Variants in SUGCT observed in about 807,000 individuals in gnomAD.
SUGCT encodes succinyl-CoA:glutarate-CoA transferase.
A neutral mutation model predicts 55.0 loss-of-function variants in SUGCT; 41 were observed. The observed-to-expected ratio is 0.74, with a 90% CI of 0.58 to 0.97. The LOEUF (loss-of-function observed/expected upper bound fraction) is 0.97, where lower values mean the gene tolerates loss of function less well. Among genes scored for constraint, SUGCT ranks in the 50% least tolerant of loss-of-function variants. The pLI is 0.00. For synonymous variants in SUGCT, 187 were observed against 200.4 expected, an observed-to-expected ratio of 0.93 and a Z score of 0.56; for missense variants, 568 against 547.8, an observed-to-expected ratio of 1.04 and a Z score of -0.37.
intron 12 of SUGCT, among the ~76,000 whole-genome samples, chr7:40,603,360 G>T (rs1002554954): frequency 1.3e-5 from 2 of 152,128 alleles, no homozygotes; most frequent in Non-Finnish European, 2.9e-5. Context: ...CAATAAAAAA[G>T]AAGTGATTTC....
At chr7:40,491,326 A>G (rs891836775) in intron 11 of SUGCT, among the ~76,000 whole-genome samples, 1 of 152,208 alleles carries the variant, frequency 6.6e-6, no homozygotes, top group Non-Finnish European at 1.5e-5. Context: ...TGATAGTTAC[A>G]GTGCGAATGG....
intron 11 of SUGCT, among the ~76,000 whole-genome samples, chr7:40,466,191 G>T (rs1368037292): frequency 6.6e-6 from 1 of 152,146 alleles, no homozygotes; most frequent in East Asian, 1.9e-4. Flanking sequence ...ATAGCTCTGA[G>T]TCACTATGCC....
intron 7 of SUGCT, among the ~76,000 whole-genome samples, chr7:40,243,979 C>T (rs1187581330): frequency 6.6e-6 from 1 of 152,026 alleles, no homozygotes; most frequent in Non-Finnish European, 1.5e-5. Context: ...TCGAGACCAG[C>T]CTAGCCAACA....
intron 8 of SUGCT, among the ~76,000 whole-genome samples, chr7:40,312,755 G>T (rs1472590265): frequency 2.0e-5 from 3 of 152,172 alleles, no homozygotes; most frequent in African/African-American, 7.2e-5. Context: ...AGACTTTGAA[G>T]AATAGGTGGA....
Position 40,457,883 on chromosome 7 carries a change from CG to C in SUGCT, c.889-1216del, listed in dbSNP as rs1188340170. On this transcript the variant is annotated intron_variant, in intron 10 of 13. Coordinates refer to ENST00000335693, the MANE Select transcript of SUGCT (RefSeq NM_001193313.2). ...TCTTGGAATGACTTATTCACTCTTA[CG>C]GAGGGAGGGTGTCTAACTGCTAGAC... Among the ~76,000 whole-genome samples, 3 of 152,220 alleles carry C rather than the reference CG, an allele frequency of 2.0e-5. No homozygotes were observed. The East Asian group carries it at 5.8e-4, about 29-fold the overall frequency.
chr7:40,899,243 C>T, the SUGCT span, among the ~76,000 whole-genome samples: 1 of 152,202 alleles, frequency 6.6e-6, no homozygotes, highest in African/African-American at 2.4e-5. Context: ...TTCCCTCCCT[C>T]CTCACCAACC....
At chr7:40,739,488 T>C (rs1787352178) in intron 12 of SUGCT, among the ~76,000 whole-genome samples, 1 of 152,226 alleles carries the variant, frequency 6.6e-6, no homozygotes, top group Non-Finnish European at 1.5e-5. Flanking sequence ...TTTTCCTGTT[T>C]ATTTTCTTAT....
intron 11 of SUGCT, among the ~76,000 whole-genome samples, chr7:40,462,245 G>A (rs1392514917): frequency 6.6e-6 from 1 of 152,100 alleles, no homozygotes; most frequent in East Asian, 1.9e-4. Context: ...AATGTCTGAG[G>A]GAGGCTGGCA....
chr7:40,623,722 T>G (rs1562907336), intron 12 of SUGCT, among the ~76,000 whole-genome samples: 1 of 152,066 alleles, frequency 6.6e-6, no homozygotes, highest in East Asian at 1.9e-4. Flanking sequence ...GCACATGCAC[T>G]CATACACACA....
At chr7:40,924,742 A>T in the SUGCT span, among the ~76,000 whole-genome samples, 1 of 152,208 alleles carries the variant, frequency 6.6e-6, no homozygotes, top group African/African-American at 2.4e-5. Context: ...CGTACAGGCC[A>T]TGAAACTAAT....
intron 7 of SUGCT, among the ~76,000 whole-genome samples, chr7:40,267,903 C>A (rs981573146): frequency 6.6e-6 from 1 of 152,238 alleles, no homozygotes; most frequent in South Asian, 2.1e-4. Context: ...GTGAATGGTA[C>A]CCCTTCTTTA....
At chr7:41,002,202 G>T in the SUGCT span, among the ~76,000 whole-genome samples, 14 of 152,236 alleles carry the variant, frequency 9.2e-5, no homozygotes, top group East Asian at 2.7e-3. Flanking sequence ...TGTATTATTA[G>T]TACAGATGGG....
the SUGCT span, among the ~76,000 whole-genome samples, chr7:41,002,076 G>C: frequency 6.6e-6 from 1 of 152,118 alleles, no homozygotes; most frequent in Non-Finnish European, 1.5e-5. Context: ...GCTGGAGTGC[G>C]GTGGTATAAT....
At chr7:40,918,133 TCTC>T in the SUGCT span, among the ~76,000 whole-genome samples, 15 of 151,756 alleles carry the variant, frequency 9.9e-5, no homozygotes, top group African/African-American at 3.6e-4. Flanking sequence ...AGTCTCTTCA[TCTC>T]CTCATACCCC....
At chr7:40,713,688 G>T (rs561773359) in intron 12 of SUGCT, among the ~76,000 whole-genome samples, 1 of 152,282 alleles carries the variant, frequency 6.6e-6, no homozygotes, top group South Asian at 2.1e-4. Context: ...TCTGTAGCAT[G>T]TGCAAATCCT....
the SUGCT span, among the ~76,000 whole-genome samples, chr7:40,929,386 G>A: frequency 3.3e-3 from 498 of 152,282 alleles, 2 homozygotes; most frequent in African/African-American, 0.011. Flanking sequence ...ATAAACACAC[G>A]TGTGCATGTG....
chr7:40,831,196 T>C (rs537567826), intron 13 of SUGCT, among the ~76,000 whole-genome samples: 1 of 152,324 alleles, frequency 6.6e-6, no homozygotes, highest in South Asian at 2.1e-4. Flanking sequence ...GTAAAAAGCC[T>C]GTGTCCTATC....
intron 11 of SUGCT, among the ~76,000 whole-genome samples, chr7:40,469,519 C>T (rs17433681): frequency 0.1 from 15,759 of 152,114 alleles, 1,106 homozygotes; most frequent in Middle Eastern, 0.19. Context: ...AAAATCAGCC[C>T]GGAGGGTAAA....
chr7:40,379,985 T>G (rs1046321045), intron 9 of SUGCT, among the ~76,000 whole-genome samples: 1 of 152,222 alleles, frequency 6.6e-6, no homozygotes, highest in Non-Finnish European at 1.5e-5. Flanking sequence ...ATCCACTGTT[T>G]CAGGCAGCTG....
Sources: gnomAD v4.1 joint callset for allele counts (sites outside exome capture counted in the v4.1 genomes callset) on GRCh38, gnomAD v4.1.1 for gene constraint, MANE v1.5 for transcripts, NCBI Gene and HGNC (gene_info 2026-07-23, HGNC 2026-07-21) for gene names.